FOCAD: variants seen among roughly 807,000 people sequenced by gnomAD.
The protein encoded by FOCAD is focadhesin.
Under a neutral mutation model 225.6 loss-of-function variants are expected in FOCAD, and 198 were observed. The ratio of observed to expected loss-of-function variants is 0.88; its 90% CI spans 0.78 to 0.99. The LOEUF (loss-of-function observed/expected upper bound fraction) is 0.99. Among genes scored for constraint, FOCAD ranks in the 50% least tolerant of loss-of-function variants. The pLI, the probability that FOCAD is intolerant of heterozygous loss-of-function variation, is 0.00. For synonymous variants in FOCAD, 897 were observed against 755.0 expected (o/e 1.19, Z -3.08); for missense variants, 2,713 against 2,123.6 (o/e 1.28, Z -5.46).
intron 14 of FOCAD, 80 bp from the exon 15 acceptor site, chr9:20,822,909 C>G: frequency 7.3e-7 from 1 of 1,364,854 alleles, no homozygotes; most frequent in Non-Finnish European, 9.7e-7. Flanking sequence ...ATGATGGATG[C>G]TTTTTGTTTA....
At chr9:20,699,748 AAAAAAAAAAAAAAAAAAAAAAAAAAATAT>A (rs1457757696) in intron 1 of FOCAD, among the ~76,000 whole-genome samples, 3 of 46,192 alleles carry the variant, frequency 6.5e-5, no homozygotes, top group African/African-American at 1.9e-4. Flanking sequence ...AAAAAAAAAA[AAAAAAAAAAAAAAAAAAAAAAAAAAATAT>A]ATATATATAT....
intron 19 of FOCAD, among the ~76,000 whole-genome samples, chr9:20,880,372 G>T (rs1171658868): frequency 1.3e-5 from 2 of 152,132 alleles, no homozygotes; most frequent in African/African-American, 4.8e-5. Context: ...GAAGAGGAAT[G>T]CAGGCAACCT....
At chr9:20,866,283 C>G (rs1016684993) in intron 17 of FOCAD, among the ~76,000 whole-genome samples, 11 of 151,940 alleles carry the variant, frequency 7.2e-5, no homozygotes, top group Non-Finnish European at 1.3e-4. Flanking sequence ...CCCTTCCCCA[C>G]CAACAAGCAT....
intron 15 of FOCAD, among the ~76,000 whole-genome samples, chr9:20,854,866 T>G (rs1828010473): frequency 6.6e-6 from 1 of 151,826 alleles, no homozygotes. Flanking sequence ...ATGGTAGATT[T>G]AGCATTGTAG....
chr9:20,985,676 C>T (rs1335769257), intron 39 of FOCAD, among the ~76,000 whole-genome samples: 1 of 152,070 alleles, frequency 6.6e-6, no homozygotes, highest in Non-Finnish European at 1.5e-5. Context: ...GCACAGTTCC[C>T]ATATGAGTAT....
chr9:20,811,280 A>G (rs1564019591), intron 11 of FOCAD, among the ~76,000 whole-genome samples: 1 of 152,080 alleles, frequency 6.6e-6, no homozygotes, highest in Non-Finnish European at 1.5e-5. Context: ...TTGCTTTGAT[A>G]CAGTCCGAAA....
intron 2 of FOCAD, among the ~76,000 whole-genome samples, chr9:20,664,640 T>C (rs962557300): frequency 1.3e-5 from 2 of 150,690 alleles, no homozygotes; most frequent in Non-Finnish European, 3.0e-5. Context: ...TTCTTTCCTT[T>C]CTTTTTTTTT....
chr9:20,658,638 C>G (rs555951089), intron 1 of FOCAD: 1 of 153,948 alleles, frequency 6.5e-6, no homozygotes, highest in East Asian at 1.9e-4. Flanking sequence ...TGCTTCGGCT[C>G]GCGCACGGTG....
At chr9:20,753,804 A>G (rs1047356862) in intron 5 of FOCAD, among the ~76,000 whole-genome samples, 1 of 150,290 alleles carries the variant, frequency 6.7e-6, no homozygotes, top group Non-Finnish European at 1.5e-5. Context: ...AATAATAATA[A>G]CGATGATAAT....
At chr9:20,950,207 A>G (rs1837567623) in intron 33 of FOCAD, among the ~76,000 whole-genome samples, 1 of 152,158 alleles carries the variant, frequency 6.6e-6, no homozygotes, top group African/African-American at 2.4e-5. Flanking sequence ...AAAAAATATC[A>G]CTGATGGTCC....
At chr9:20,708,680 A>T (rs933200803) in intron 1 of FOCAD, among the ~76,000 whole-genome samples, 3 of 151,828 alleles carry the variant, frequency 2.0e-5, no homozygotes, top group African/African-American at 7.3e-5. Flanking sequence ...AAGGCTGAGG[A>T]TGGGCGGATC....
intron 7 of FOCAD, among the ~76,000 whole-genome samples, chr9:20,768,320 G>C (rs901936503): frequency 1.3e-5 from 2 of 151,890 alleles, no homozygotes; most frequent in African/African-American, 4.8e-5. Flanking sequence ...CTCTTTTTTG[G>C]TTCCATATGA....
At chr9:20,901,155 G>A (rs1832518696) in intron 21 of FOCAD, among the ~76,000 whole-genome samples, 1 of 150,072 alleles carries the variant, frequency 6.7e-6, no homozygotes, top group African/African-American at 2.5e-5. Context: ...TCTAATACCA[G>A]TTGCAAATGG....
chr9:20,825,705 T>C (rs1227932875), intron 15 of FOCAD, among the ~76,000 whole-genome samples: 1 of 152,128 alleles, frequency 6.6e-6, no homozygotes, highest in Admixed American at 6.6e-5. Flanking sequence ...GAAAATGAAC[T>C]CTTTCATCTT....
chr9:20,922,576 T>C (rs1383405986), intron 24 of FOCAD, among the ~76,000 whole-genome samples: 3 of 152,252 alleles, frequency 2.0e-5, no homozygotes, highest in African/African-American at 7.2e-5. Context: ...GGCTTGGGAC[T>C]TGAGGTACTA....
At chr9:20,916,786 T>C (rs1348514046) in intron 23 of FOCAD, 107 bp from the exon 24 acceptor site, 1 of 984,948 alleles carries the variant, frequency 1.0e-6, no homozygotes, top group Non-Finnish European at 1.5e-6. Flanking sequence ...TGTATAGTTT[T>C]AAGATCTGGA....
chr9:20,889,740 A>G (rs1451003484), intron 21 of FOCAD, among the ~76,000 whole-genome samples: 1 of 152,194 alleles, frequency 6.6e-6, no homozygotes, highest in African/African-American at 2.4e-5. Context: ...TTGCTTTTCT[A>G]TATGAATTTT....
intron 25 of FOCAD, among the ~76,000 whole-genome samples, chr9:20,925,492 G>A (rs771567593): frequency 2.6e-5 from 4 of 152,126 alleles, no homozygotes; most frequent in Non-Finnish European, 4.4e-5. Flanking sequence ...GCCTTTGGCT[G>A]TTACTCAATG....
At chr9:20,838,017 T>A (rs1310143163) in intron 15 of FOCAD, among the ~76,000 whole-genome samples, 1 of 152,160 alleles carries the variant, frequency 6.6e-6, no homozygotes, top group African/African-American at 2.4e-5. Flanking sequence ...GTAAGTCTTT[T>A]CATAGTTATA....
Sources: gnomAD v4.1 joint callset for allele counts (sites outside exome capture counted in the v4.1 genomes callset) on GRCh38, gnomAD v4.1.1 for gene constraint, MANE v1.5 for transcripts, NCBI Gene and HGNC (gene_info 2026-07-23, HGNC 2026-07-21) for gene names.